Variants in KCNIP1 observed in about 807,000 individuals in gnomAD.
KCNIP1 encodes the protein A-type potassium channel modulatory protein KCNIP1.
Under a neutral mutation model 33.0 loss-of-function variants are expected in KCNIP1, and 18 were observed. The observed-to-expected ratio is 0.55, with a 90% CI of 0.38 to 0.81. The LOEUF is 0.81. KCNIP1 is among the 30% of genes least tolerant of loss of function. The pLI is 0.00. For synonymous variants in KCNIP1, 93 were observed against 98.3 expected (o/e 0.95, Z 0.32); for missense variants, 238 against 271.6 (o/e 0.88, Z 0.87).
At chr5:170,372,597 A>G (rs1763874769) in intron 1 of KCNIP1, among the ~76,000 whole-genome samples, 1 of 152,078 alleles carries the variant, frequency 6.6e-6, no homozygotes, top group Admixed American at 6.5e-5. Context: ...AGACACTCCT[A>G]TCGCCCCTAA....
intron 1 of KCNIP1, among the ~76,000 whole-genome samples, chr5:170,554,879 A>C (rs557715121): frequency 6.6e-6 from 1 of 152,112 alleles, no homozygotes; most frequent in South Asian, 2.1e-4. Context: ...GGATACACTC[A>C]TCCTGGCTCC....
At chr5:170,656,901 C>T (rs531795472) in intron 1 of KCNIP1, among the ~76,000 whole-genome samples, 12 of 152,264 alleles carry the variant, frequency 7.9e-5, no homozygotes, top group African/African-American at 2.2e-4. Flanking sequence ...CATCCCCACC[C>T]GTCCCCATGC....
At chr5:170,409,660 T>C (rs1004859031) in intron 1 of KCNIP1, among the ~76,000 whole-genome samples, 2 of 152,170 alleles carry the variant, frequency 1.3e-5, no homozygotes, top group African/African-American at 4.8e-5. Context: ...GGGCCCAGCC[T>C]GTGCCACTCT....
At position 170,571,932 on chromosome 5, in the gene KCNIP1, T is replaced by C. The variant is rs555005107; in HGVS notation, c.61+67299T>C. Among the ~76,000 whole-genome samples the C allele has an allele frequency of 1.3e-3, 197 of 152,314 alleles. 1 individual carries two copies. Among genetic ancestry groups the C allele is most frequent in the African/African-American group, 4.7e-3 (195 of 41,572 alleles). On this transcript the variant is annotated intron_variant, in intron 1 of 7. Transcript: ENST00000328939. ...AAAATGCATCCCTCCTGATCTATCT[T>C]TCATTTCCTCACATTTAATAGAGAT... is the stretch of plus-strand genomic sequence containing the variant.
chr5:170,457,624 C>T (rs778401097), intron 1 of KCNIP1, among the ~76,000 whole-genome samples: 5 of 152,176 alleles, frequency 3.3e-5, no homozygotes, highest in Non-Finnish European at 7.4e-5. Flanking sequence ...CTCAGGAAGC[C>T]ACATCCCTAG....
In KCNIP1 at chr5:170,576,099, G is replaced by C. The variant is rs1757594072; in HGVS notation, c.61+71466G>C. On this transcript the variant is annotated intron_variant, in intron 1 of 7. Transcript: ENST00000328939. ...TTCCTGCTCCATGTGGAGTCAGCTG[G>C]GTACTTGAACTGGGACATGGATGAT... Among the ~76,000 whole-genome samples the C allele has an allele frequency of 2.6e-5, 4 of 152,162 alleles. No homozygotes were observed. The South Asian group carries it at 8.3e-4, about 32-fold the overall frequency.
chr5:170,549,976 C>T (rs1404745624), intron 1 of KCNIP1, among the ~76,000 whole-genome samples: 2 of 151,490 alleles, frequency 1.3e-5, no homozygotes, highest in Non-Finnish European at 2.9e-5. Flanking sequence ...GTGCTTACCA[C>T]TTTGAGTATA....
At chr5:170,371,394 T>C (rs998863404) in intron 1 of KCNIP1, among the ~76,000 whole-genome samples, 2 of 152,106 alleles carry the variant, frequency 1.3e-5, no homozygotes, top group African/African-American at 4.8e-5. Flanking sequence ...GATGGAAAGG[T>C]ATCTGGAAGC....
chr5:170,430,826 G>A (rs1581185583), intron 1 of KCNIP1, among the ~76,000 whole-genome samples: 1 of 152,178 alleles, frequency 6.6e-6, no homozygotes. Flanking sequence ...TACTATTACT[G>A]TGTTATTACT....
At chr5:170,683,283 A>T (rs898491483) in intron 1 of KCNIP1, among the ~76,000 whole-genome samples, 1 of 152,238 alleles carries the variant, frequency 6.6e-6, no homozygotes, top group East Asian at 1.9e-4. Flanking sequence ...AACATTTTAA[A>T]TAATGCTGAA....
intron 1 of KCNIP1, among the ~76,000 whole-genome samples, chr5:170,358,659 C>T (rs556962350): frequency 1.3e-5 from 2 of 152,356 alleles, no homozygotes; most frequent in African/African-American, 4.8e-5. Flanking sequence ...TATCAGCTCA[C>T]AGGCAAATCC....
At chr5:170,381,765 G>C (rs113516727) in intron 1 of KCNIP1, among the ~76,000 whole-genome samples, 2,711 of 152,312 alleles carry the variant, frequency 0.018, 35 homozygotes, top group Middle Eastern at 0.054. Flanking sequence ...AAACCAGCCT[G>C]CTCTGGCCCA....
rs377667089 is a variant in KCNIP1 at position 170,698,174 on chromosome 5, G to T, written c.62-20584G>T. ...GTGGTAAGCACTGCCGGGTACCCGG[G>T]TATCACAGGCCTTGCCACATTCAAT... On this transcript the variant is annotated intron_variant, in intron 1 of 7. Coordinates refer to ENST00000328939, the MANE Select transcript of KCNIP1 (RefSeq NM_014592.4). 6.0e-4 allele frequency among the ~76,000 whole-genome samples: 92 copies of T among 152,170 alleles called. No homozygotes were observed. In the East Asian group the frequency reaches 0.017, roughly 29 times the overall value.
chr5:170,732,828 A>C lies in KCNIP1; in HGVS notation c.464A>C (p.Tyr155Ser). ...ATGATGGACATTGTCAAAGCCATCT[A>C]TGACATGATGGGGAAATACACATAT... The part of the protein sequence containing the change: ...EEMMDIVKAI[Y>S]DMMGKYTYPV... Residue 155 changes from tyrosine to serine, a missense_variant, in exon 6 of 8, where the codon TAT (tyrosine) becomes TCT (serine). Physicochemically the swap from Tyr to Ser is moderately radical, Grantham distance 144 (BLOSUM62 -2). Transcript: ENST00000328939. 6.2e-7 allele frequency: 1 copy of C among 1,612,388 alleles called. No homozygotes were observed. The highest frequency in any genetic ancestry group is 8.5e-7 in the Non-Finnish European group (1 of 1,178,544).
At position 170,542,712 on chromosome 5, in the gene KCNIP1, AG is replaced by A. The variant is rs371856375; in HGVS notation, c.61+38081del. ...GGCTAATTTATAAATTAGGCATGGT[AG>A]GAGATTAACAACAATAACTAATAAT... is the stretch of plus-strand genomic sequence containing the variant. On this transcript the variant is annotated intron_variant, in intron 1 of 7. Coordinates refer to ENST00000328939, the MANE Select transcript of KCNIP1 (RefSeq NM_014592.4). 5.5e-3 allele frequency among the ~76,000 whole-genome samples: 845 copies of A among 152,258 alleles called. 11 individuals carry two copies. The highest frequency in any genetic ancestry group is 0.019 in the African/African-American group (785 of 41,526).
At chr5:170,358,914 C>T (rs187464824) in intron 1 of KCNIP1, among the ~76,000 whole-genome samples, 207 of 152,308 alleles carry the variant, frequency 1.4e-3, no homozygotes, top group African/African-American at 4.6e-3. Context: ...GGAGAAGTCA[C>T]GCCTGCCTGC....
At chr5:170,527,328 T>C (rs1445888772) in intron 1 of KCNIP1, among the ~76,000 whole-genome samples, 6 of 152,272 alleles carry the variant, frequency 3.9e-5, no homozygotes, top group African/African-American at 1.4e-4. Context: ...AGCAAATAAA[T>C]GTTTGCAGAG....
intron 1 of KCNIP1, among the ~76,000 whole-genome samples, chr5:170,621,791 G>A (rs1195891092): frequency 6.6e-6 from 1 of 152,218 alleles, no homozygotes; most frequent in Admixed American, 6.5e-5. Context: ...TTACAACTGT[G>A]AGCCACTGCA....
intron 1 of KCNIP1, among the ~76,000 whole-genome samples, chr5:170,462,264 C>CAAAAAAAAAAAAAAAAAAAAAAAAAACA (rs760686464): frequency 1.9e-5 from 1 of 52,046 alleles, no homozygotes; most frequent in African/African-American, 7.8e-5. Context: ...AACAAATTAG[C>CAAAAAAAAAAAAAAAAAAAAAAAAAACA]AAAAAAAAAA....
Sources: allele counts gnomAD v4.1 joint callset (sites outside exome capture counted in the v4.1 genomes callset), GRCh38; gene constraint gnomAD v4.1.1; transcripts MANE v1.5; gene names NCBI Gene and HGNC (gene_info 2026-07-23, HGNC 2026-07-21).